The following PCDHA4 variants were observed in gnomAD, a reference collection of about 807,000 sequenced individuals.
The protein encoded by PCDHA4 is protocadherin alpha 4, also known as protocadherin alpha-4.
PCDHA4 carries 49 observed loss-of-function variants against 61.4 expected under a neutral mutation model. That is an observed-to-expected ratio of 0.80 (90% CI 0.63 to 1.01). The LOEUF (loss-of-function observed/expected upper bound fraction) is 1.01, where lower values mean the gene tolerates loss of function less well. PCDHA4 is among the 50% of genes least tolerant of loss of function. The pLI is 0.00. For missense variants in PCDHA4, 1,254 were observed against 1,235.8 expected, an observed-to-expected ratio of 1.01 and a Z score of -0.22; for synonymous variants, 590 against 550.3, an observed-to-expected ratio of 1.07 and a Z score of -1.01.
intron 1 of PCDHA4, chr5:140,851,704 T>C (rs1454502056): frequency 2.1e-6 from 2 of 950,842 alleles, no homozygotes; most frequent in African/African-American, 1.8e-5. Context: ...TGATCAGCCA[T>C]GTGAAGATTC....
intron 1 of PCDHA4, among the ~76,000 whole-genome samples, chr5:140,921,909 CATG>C (rs1554200522): frequency 6.6e-6 from 1 of 151,678 alleles, no homozygotes; most frequent in Non-Finnish European, 1.5e-5. Context: ...ATATATATTA[CATG>C]ATAAAACTTA....
intron 1 of PCDHA4, chr5:140,968,823 A>T (rs569036779): frequency 1.2e-6 from 2 of 1,614,192 alleles, no homozygotes; most frequent in Non-Finnish European, 8.5e-7. Context: ...AGGGTTTCCA[A>T]AATCCTCCCT....
chr5:140,945,635 T>C (rs1200996842), intron 1 of PCDHA4, among the ~76,000 whole-genome samples: 1 of 152,024 alleles, frequency 6.6e-6, no homozygotes, highest in Admixed American at 6.5e-5. Context: ...ATAAAAGACA[T>C]GTAGACCAAT....
At chr5:140,969,175 T>C in intron 1 of PCDHA4, 7 of 1,613,046 alleles carry the variant, frequency 4.3e-6, no homozygotes, top group Non-Finnish European at 5.9e-6. Context: ...GCTCAGGGAG[T>C]GACACTTTCA....
chr5:140,873,989 T>C (rs1264143469), intron 1 of PCDHA4, among the ~76,000 whole-genome samples: 3 of 152,222 alleles, frequency 2.0e-5, no homozygotes, highest in African/African-American at 7.2e-5. Context: ...TTCCTTAGCA[T>C]GTATGGTACA....
In PCDHA4 at chr5:141,012,118, T is replaced by C. The variant is rs2098422988; in HGVS notation, c.*2181T>C. 6.5e-6 allele frequency: 1 copy of C among 153,768 alleles called. No individual in the cohort carries two copies. The highest frequency in any genetic ancestry group is 2.4e-5 in the African/African-American group (1 of 41,458). The allele number at this position is 153,768 out of a possible 1,614,324, so 9.5% of individuals were successfully genotyped here. A position where few individuals can be genotyped will look rare whatever the true frequency, so the allele number is the denominator to read the frequency against. On this transcript the variant is annotated 3_prime_UTR_variant, in exon 4 of 4. Coordinates refer to ENST00000530339, the MANE Select transcript of PCDHA4 (RefSeq NM_018907.4). ...TCATTTTGCCCCACTGAAGCCCATG[T>C]ATCTGACCTTACGTGCCTTTTGAAC...
At chr5:140,863,157 C>G in intron 1 of PCDHA4, 1 of 638,958 alleles carries the variant, frequency 1.6e-6, no homozygotes, top group South Asian at 1.4e-5. Flanking sequence ...AGGACCACTG[C>G]GAGCTGGCGC....
intron 1 of PCDHA4, chr5:140,854,514 T>G (rs1216926538): frequency 1.3e-5 from 2 of 149,996 alleles, no homozygotes; most frequent in Non-Finnish European, 3.0e-5. Flanking sequence ...AACTGATGGA[T>G]TAAGTGACAC....
rs1554168215 is a variant in PCDHA4, at chr5:140,876,039, T to A, written c.2385+66467T>A. 3 of 1,613,746 alleles carry A rather than the reference T, an allele frequency of 1.9e-6. No individual in the cohort carries two copies. Among genetic ancestry groups the A allele is most frequent in the South Asian group, 2.2e-5 (2 of 91,062 alleles). On this transcript the variant is annotated intron_variant, in intron 1 of 3. Transcript: ENST00000530339. ...AAATAAAAACAAAAAAAGATAAAAG[T>A]ATATTGCCTGAATTAGTTCTTCGGA...
At chr5:140,969,470 T>G in intron 1 of PCDHA4, 1 of 1,483,706 alleles carries the variant, frequency 6.7e-7, no homozygotes, top group African/African-American at 1.4e-5. Context: ...TATCCACAAT[T>G]TGATCATAAT....
At chr5:140,823,586 C>T (rs2150127192) in intron 1 of PCDHA4, 2 of 1,614,018 alleles carry the variant, frequency 1.2e-6, no homozygotes, top group Non-Finnish European at 8.5e-7. Context: ...GGCTACAACG[C>T]TTGGCTTTCG....
At chr5:140,957,221 C>T (rs1171404836) in intron 1 of PCDHA4, among the ~76,000 whole-genome samples, 3 of 151,984 alleles carry the variant, frequency 2.0e-5, no homozygotes, top group Non-Finnish European at 4.4e-5. Flanking sequence ...AAAAATTTGG[C>T]GAAGCATTTT....
At chr5:140,810,733 A>T (rs1251780244) in intron 1 of PCDHA4, 5 of 151,620 alleles carry the variant, frequency 3.3e-5, no homozygotes, top group African/African-American at 1.2e-4. Flanking sequence ...TTTTCTTATT[A>T]CTTAAACAAA....
chr5:140,966,934 G>A (rs782780798), intron 1 of PCDHA4: 6 of 1,604,080 alleles, frequency 3.7e-6, no homozygotes, highest in South Asian at 2.2e-5. Flanking sequence ...CACCCGGCGC[G>A]CTCGTGGGCA....
chr5:140,868,148 T>C (rs980442760), intron 1 of PCDHA4: 1 of 152,150 alleles, frequency 6.6e-6, no homozygotes, highest in African/African-American at 2.4e-5. Context: ...ATTGATTCTG[T>C]TACATAAAGT....
intron 1 of PCDHA4, among the ~76,000 whole-genome samples, chr5:140,950,807 A>G (rs2094520743): frequency 6.6e-6 from 1 of 152,104 alleles, no homozygotes; most frequent in African/African-American, 2.4e-5. Context: ...TGGTTTTACC[A>G]TAGTAGGGTT....
Position 140,856,120 on chromosome 5 carries a change from G to C in PCDHA4, c.2385+46548G>C, listed in dbSNP as rs782167466. 6 of 1,598,210 alleles carry C rather than the reference G, an allele frequency of 3.8e-6. 1 individual carries two copies. The highest frequency in any genetic ancestry group is 5.1e-6 in the Non-Finnish European group (6 of 1,167,784). On this transcript the variant is annotated intron_variant, in intron 1 of 3. Transcript: ENST00000530339. ...CGCTTCTTCTCCTCGCAGCCTGGGA[G>C]GTGGGGAGCGGCCAGCTCCACTACT...
Position 140,849,936 on chromosome 5 carries a change from G to C in PCDHA4, c.2385+40364G>C, listed in dbSNP as rs2041236618. The C allele has an allele frequency of 2.5e-6, 4 of 1,598,080 alleles. 1 individual carries two copies. Among genetic ancestry groups the C allele is most frequent in the Non-Finnish European group, 3.4e-6 (4 of 1,167,760 alleles). On this transcript the variant is annotated intron_variant, in intron 1 of 3. Transcript: ENST00000530339. ...CCACATCTTCACGGTGTCTGCGCGG[G>C]ACGCTGACGCGCAGGAGAACGCCCT...
Position 140,887,082 on chromosome 5 carries a change from CT to C in PCDHA4, c.2385+77511del, listed in dbSNP as rs781992332. On this transcript the variant is annotated intron_variant, in intron 1 of 3. Coordinates refer to ENST00000530339, the MANE Select transcript of PCDHA4 (RefSeq NM_018907.4). Reference sequence around the variant, plus strand: ...GGCAACAAATTCACTCAGCTTTTGTCTGAGAAATATCTTTATCTCTTTTTTT... The same window carrying C: ...GGCAACAAATTCACTCAGCTTTTGTCGAGAAATATCTTTATCTCTTTTTTT... 2.0e-5 allele frequency among the ~76,000 whole-genome samples: 3 copies of C among 151,694 alleles called. No individual in the cohort carries two copies. The East Asian group carries it at 5.8e-4, about 29-fold the overall frequency.
Sources: allele counts gnomAD v4.1 joint callset (sites outside exome capture counted in the v4.1 genomes callset), GRCh38; gene constraint gnomAD v4.1.1; transcripts MANE v1.5; gene names NCBI Gene and HGNC (gene_info 2026-07-23, HGNC 2026-07-21).